The following GTF3C2 variants were observed in gnomAD, a reference collection of about 807,000 sequenced individuals.
The protein encoded by GTF3C2 is general transcription factor IIIC subunit 2, also known as general transcription factor 3C polypeptide 2.
A neutral mutation model predicts 117.4 loss-of-function variants in GTF3C2; 17 were observed. The observed-to-expected ratio is 0.14, with a 90% confidence interval of 0.10 to 0.22. The LOEUF (loss-of-function observed/expected upper bound fraction) is 0.22, where lower values mean the gene tolerates loss of function less well. Ranked by LOEUF, GTF3C2 falls within the 10% of genes least tolerant of loss-of-function variation. The pLI is 1.00. For synonymous variants in GTF3C2, 437 were observed against 427.0 expected, an observed-to-expected ratio of 1.02 and a Z score of -0.29; for missense variants, 888 against 1,143.6, an observed-to-expected ratio of 0.78 and a Z score of 3.22.
Position 27,329,329 on chromosome 2 carries a change from A to C in GTF3C2, c.1878-47T>G, listed in dbSNP as rs757252797. 1 of 1,613,968 alleles carries C rather than the reference A, an allele frequency of 6.2e-7. No individual in the cohort carries two copies. The highest frequency in any genetic ancestry group is 2.2e-5 in the East Asian group (1 of 44,888). The stretch of plus-strand genomic sequence containing the variant: ...TCAAATCCAAACAAATCCGGAAGTC[A>C]GCCTGTCCCAGTCTTCACCTTCCCC... On this transcript the variant is annotated intron_variant, in intron 13 of 18. Coordinates refer to ENST00000264720, the Ensembl canonical transcript of GTF3C2. This position sits in a 1 kb window ranked among gnomAD's most constrained non-coding sequence, Gnocchi z 4.5.
At chr2:27,350,530 T>C (rs568908636) in intron 1 of GTF3C2, 6 of 985,180 alleles carry the variant, frequency 6.1e-6, no homozygotes, top group South Asian at 4.7e-5. Flanking sequence ...CTGGGCGCAG[T>C]GGCTCATGCC....
chr2:27,330,061 G>A (rs1052288923), intron 12 of GTF3C2, among the ~76,000 whole-genome samples: 5 of 148,644 alleles, frequency 3.4e-5, no homozygotes, highest in East Asian at 2.0e-4. Context: ...CAGCAGAATC[G>A]CTTGAACTCA....
intron 18 of GTF3C2, 132 bp downstream of exon 18, chr2:27,327,045 G>T (rs888315239): frequency 1.5e-6 from 1 of 671,488 alleles, no homozygotes; most frequent in Admixed American, 2.7e-5. Context: ...GCCAGTGAAT[G>T]AGGTACGTCT....
At position 27,334,799 on chromosome 2, in the gene GTF3C2, T is replaced by A. The variant is rs112073876; in HGVS notation, c.1576+799A>T. Among the ~76,000 whole-genome samples, 2 of 152,056 alleles carry A rather than the reference T, an allele frequency of 1.3e-5. 1 individual carries two copies. Among genetic ancestry groups the A allele is most frequent in the South Asian group, 4.1e-4 (2 of 4,832 alleles). On this transcript the variant is annotated intron_variant, in intron 10 of 18. Transcript: ENST00000264720. ...CTGGGATTACAGGCATGCACCACTA[T>A]GTTCGGCTACTTTTAAAAATTTTTT... is the stretch of plus-strand genomic sequence containing the variant.
At chr2:27,342,300 T>C in intron 3 of GTF3C2, 67 bp from the exon 4 acceptor site, 4 of 1,324,760 alleles carry the variant, frequency 3.0e-6, no homozygotes, top group Non-Finnish European at 4.1e-6. Context: ...CCAGACATGG[T>C]TGATTTTTAT....
chr2:27,353,531 G>A (rs1351544963), intron 1 of GTF3C2, among the ~76,000 whole-genome samples: 1 of 151,888 alleles, frequency 6.6e-6, no homozygotes, highest in Non-Finnish European at 1.5e-5. Flanking sequence ...CTCCGCCTCT[G>A]GGGTTCAAGT....
intron 1 of GTF3C2, among the ~76,000 whole-genome samples, chr2:27,353,564 GAGT>G (rs1257921662): frequency 1.3e-5 from 2 of 151,906 alleles, no homozygotes; most frequent in Non-Finnish European, 2.9e-5. Context: ...TCAGCCTCCT[GAGT>G]AGCTGGGATT....
At chr2:27,342,426 TGA>T in intron 3 of GTF3C2, 193 bp from the exon 4 acceptor site, 1 of 584,220 alleles carries the variant, frequency 1.7e-6, no homozygotes, top group South Asian at 2.3e-5. Context: ...CCGAGATGAC[TGA>T]GATAACAAAT....
chr2:27,335,602 G>A, exon 10 of GTF3C2: 1 of 1,523,162 alleles, frequency 6.6e-7, no homozygotes, highest in Non-Finnish European at 8.9e-7. Flanking sequence ...ACTCACCTGG[G>A]GGTTGCTGAG....
intron 9 of GTF3C2, 29 bp from the exon 10 acceptor site, chr2:27,335,735 G>A: frequency 2.2e-6 from 3 of 1,393,162 alleles, no homozygotes; most frequent in Non-Finnish European, 3.0e-6. Flanking sequence ...GCTGAGGCTT[G>A]CTGCCTTCAG....
intron 1 of GTF3C2, among the ~76,000 whole-genome samples, chr2:27,344,832 A>T (rs1680862652): frequency 6.6e-6 from 1 of 151,994 alleles, no homozygotes; most frequent in Non-Finnish European, 1.5e-5. Context: ...AAAAATTTTA[A>T]AAGTTAGCCG....
chr2:27,337,361 A>C lies in GTF3C2; in HGVS notation c.1029-19T>G. 1 of 1,561,272 alleles carries C rather than the reference A, an allele frequency of 6.4e-7. No homozygotes were observed. Among genetic ancestry groups the C allele is most frequent in the Non-Finnish European group, 8.8e-7 (1 of 1,132,110 alleles). On this transcript the variant is annotated intron_variant, in intron 6 of 18. Transcript: ENST00000264720. ...GGCCTCACTGGGGGAAGACAAAGGGAACAGTCTAAATTTGGAAGTGTTTCA... is the reference window on the plus strand; with the variant it reads ...GGCCTCACTGGGGGAAGACAAAGGGCACAGTCTAAATTTGGAAGTGTTTCA...
chr2:27,338,930 G>C (rs1680609519), intron 4 of GTF3C2, among the ~76,000 whole-genome samples: 1 of 152,142 alleles, frequency 6.6e-6, no homozygotes, highest in Non-Finnish European at 1.5e-5. Context: ...AGCCTCCTGA[G>C]TAGCTTGAAG....
Position 27,329,585 on chromosome 2 carries a change from CT to C in GTF3C2, c.1733-63del, listed in dbSNP as rs1369517834. ...AGTTCTCTCTTCCTTGCTCTAATTTCTTTCTCTGGGCTCCTAGGACCTTTGT... is the reference window on the plus strand; with the variant it reads ...AGTTCTCTCTTCCTTGCTCTAATTTCTTCTCTGGGCTCCTAGGACCTTTGT... On this transcript the variant is annotated intron_variant, in intron 12 of 18. Coordinates refer to ENST00000264720, the Ensembl canonical transcript of GTF3C2. This position sits in a 1 kb window ranked among gnomAD's most constrained non-coding sequence, Gnocchi z 4.5. 35 of 1,538,356 alleles carry C rather than the reference CT, an allele frequency of 2.3e-5. No homozygotes were observed. The highest frequency in any genetic ancestry group is 2.8e-5 in the Non-Finnish European group (31 of 1,119,784).
At chr2:27,331,287 C>T (rs1680263621) in intron 12 of GTF3C2, among the ~76,000 whole-genome samples, 1 of 152,286 alleles carries the variant, frequency 6.6e-6, no homozygotes, top group Non-Finnish European at 1.5e-5. Flanking sequence ...TGCTAATTTC[C>T]TTATCTTCCT....
chr2:27,342,050 C>G (rs781660703), exon 4 of GTF3C2: 9 of 1,614,022 alleles, frequency 5.6e-6, no homozygotes, highest in Admixed American at 1.7e-5. Flanking sequence ...CAGCCTCAAC[C>G]TGGAGAAAAA....
At chr2:27,328,104 G>T in exon 17 of GTF3C2, 1 of 1,610,612 alleles carries the variant, frequency 6.2e-7, no homozygotes. Context: ...AGCCTTAGGA[G>T]GGTTGGGGAC....
chr2:27,326,714 G>T (rs1374030470), exon 19 of GTF3C2: 2 of 1,614,144 alleles, frequency 1.2e-6, no homozygotes. Context: ...TTGGAGAGAA[G>T]CCAGGCCGTC....
At chr2:27,356,186 A>C in intron 1 of GTF3C2, 2 of 908,986 alleles carry the variant, frequency 2.2e-6, no homozygotes, top group Admixed American at 4.6e-5. Context: ...GGACAAAAGG[A>C]CTAGACAGGG....
Sources: gnomAD v4.1 joint callset for allele counts (sites outside exome capture counted in the v4.1 genomes callset) on GRCh38, gnomAD v4.1.1 for gene constraint, Gnocchi (gnomAD v3.1) non-coding constraint, MANE v1.5 for transcripts, NCBI Gene and HGNC (gene_info 2026-07-23, HGNC 2026-07-21) for gene names.